Variants in CACNA1C observed in about 807,000 individuals in gnomAD.
CACNA1C encodes voltage-dependent L-type calcium channel subunit alpha-1C.
CACNA1C carries 30 observed loss-of-function variants against 229.0 expected under a neutral mutation model. That is an observed-to-expected ratio of 0.13 (90% confidence interval 0.10 to 0.18). The LOEUF (loss-of-function observed/expected upper bound fraction) is 0.18. CACNA1C is among the 10% of genes least tolerant of loss of function. The pLI, the probability that CACNA1C is intolerant of heterozygous loss-of-function variation, is 1.00. For synonymous variants in CACNA1C, 1,114 were observed against 1,132.5 expected (o/e 0.98, Z 0.33); for missense variants, 1,658 against 2,845.0 (o/e 0.58, Z 9.49).
chr12:2,497,969 T>TCTCACACACACACACACACA (rs145657634), intron 7 of CACNA1C, among the ~76,000 whole-genome samples: 1 of 143,916 alleles, frequency 6.9e-6, no homozygotes, highest in African/African-American at 2.5e-5. Context: ...TCTATTAAAT[T>TCTCACACACACACACACACA]CACACACACA....
chr12:2,677,568 A>G lies in CACNA1C; in HGVS notation c.4957-165A>G. 1.3e-6 allele frequency: 1 copy of G among 757,670 alleles called. No homozygotes were observed. Among genetic ancestry groups the G allele is most frequent in the Non-Finnish European group, 2.2e-6 (1 of 463,758 alleles). The allele number at this position is 757,670 out of a possible 1,614,324, so 46.9% of individuals were successfully genotyped here. ...CGAGTGGATTGTTCCATCAGAGGGC[A>G]GCCCAGCCCCCAGTTCACACACACA... On this transcript the variant is annotated intron_variant, in intron 40 of 46. Transcript: ENST00000399655. This position sits in a 1 kb window ranked among gnomAD's most constrained non-coding sequence, Gnocchi z 7.4.
At position 2,087,928 on chromosome 12, in the gene CACNA1C, G is replaced by A. The variant is rs75582387; in HGVS notation, c.50-27296G>A. Reference sequence around the variant, plus strand: ...TTGTAAATGGAACGGGTATTGTCTTGTAAGGTTTCAGGAACTATGATGCCT... The same window carrying A: ...TTGTAAATGGAACGGGTATTGTCTTATAAGGTTTCAGGAACTATGATGCCT... On this transcript the variant is annotated intron_variant, in intron 1 of 46. Coordinates refer to ENST00000399655, the MANE Select transcript of CACNA1C (RefSeq NM_000719.7). Among the ~76,000 whole-genome samples, 212 of 152,310 alleles carry A rather than the reference G, an allele frequency of 1.4e-3. 1 individual carries two copies. The highest frequency in any genetic ancestry group is 4.9e-3 in the African/African-American group (203 of 41,562).
intron 3 of CACNA1C, among the ~76,000 whole-genome samples, chr12:2,131,888 C>T (rs1385779338): frequency 1.2e-4 from 17 of 147,200 alleles, no homozygotes; most frequent in Admixed American, 3.3e-4. Context: ...CTGTAAATTA[C>T]CTTGGGCAGT....
At chr12:2,084,228 C>T (rs2066713955) in intron 1 of CACNA1C, among the ~76,000 whole-genome samples, 1 of 152,172 alleles carries the variant, frequency 6.6e-6, no homozygotes, top group South Asian at 2.1e-4. Context: ...CTTTAGCATT[C>T]TCAACAAGTG....
At chr12:2,405,491 G>A (rs1238931433) in intron 3 of CACNA1C, among the ~76,000 whole-genome samples, 1 of 152,102 alleles carries the variant, frequency 6.6e-6, no homozygotes, top group Non-Finnish European at 1.5e-5. Context: ...TTTCAAGAAT[G>A]TTATATAAAT....
At chr12:2,196,929 G>A (rs951885267) in intron 3 of CACNA1C, among the ~76,000 whole-genome samples, 11 of 152,228 alleles carry the variant, frequency 7.2e-5, no homozygotes, top group African/African-American at 1.2e-4. Flanking sequence ...AGCCAGGGGG[G>A]CTGGGGAAAG....
intron 3 of CACNA1C, among the ~76,000 whole-genome samples, chr12:2,427,166 C>T (rs2099040380): frequency 6.6e-6 from 1 of 152,100 alleles, no homozygotes; most frequent in African/African-American, 2.4e-5. Flanking sequence ...CTTCCCAGTG[C>T]CAGTCTGCCG....
chr12:2,297,900 A>C (rs1361440539), intron 3 of CACNA1C, among the ~76,000 whole-genome samples: 1 of 152,220 alleles, frequency 6.6e-6, no homozygotes, highest in African/African-American at 2.4e-5. Context: ...ACGTGTGCAC[A>C]TGCAAATAAA....
At chr12:2,179,150 A>G (rs988992641) in intron 3 of CACNA1C, among the ~76,000 whole-genome samples, 34 of 152,240 alleles carry the variant, frequency 2.2e-4, no homozygotes, top group African/African-American at 7.7e-4. Flanking sequence ...TAGTTATTTA[A>G]TGGATAAACA....
chr12:2,402,603 C>T (rs1265455395), intron 3 of CACNA1C, among the ~76,000 whole-genome samples: 2 of 152,264 alleles, frequency 1.3e-5, no homozygotes, highest in South Asian at 2.1e-4. Context: ...TTAATGCTGG[C>T]TCTGACGACT....
intron 13 of CACNA1C, among the ~76,000 whole-genome samples, chr12:2,572,172 T>C (rs1330989476): frequency 1.3e-5 from 2 of 152,036 alleles, no homozygotes; most frequent in Non-Finnish European, 2.9e-5. Context: ...GAGAGTTCCA[T>C]GCTAGTGGTC....
intron 1 of CACNA1C, among the ~76,000 whole-genome samples, chr12:2,046,405 AAAG>A (rs2051054646): frequency 6.6e-6 from 1 of 152,158 alleles, no homozygotes; most frequent in Non-Finnish European, 1.5e-5. Context: ...TTCTCTTTCC[AAAG>A]AGCCTCAGGA....
rs570771284 is a variant in CACNA1C, at chr12:2,135,591, T to C, written c.477+15161T>C. On this transcript the variant is annotated intron_variant, in intron 3 of 46. Coordinates refer to ENST00000399655, the MANE Select transcript of CACNA1C (RefSeq NM_000719.7). ...GTGAGAGGTGTCAGTCTGCCCCTGC[T>C]GGGGGGTGCCTCCCAGTTAGGCTGC... 4.4e-4 allele frequency among the ~76,000 whole-genome samples: 59 copies of C among 135,554 alleles called. 3 individuals are homozygous for C. The highest frequency in any genetic ancestry group is 1.2e-3 in the East Asian group (6 of 4,844). The allele number at this position is 135,554 out of a possible 152,430, so 88.9% of individuals were successfully genotyped here. A position where few individuals can be genotyped will look rare whatever the true frequency, so the allele number is the denominator to read the frequency against.
At chr12:2,368,947 C>T (rs1026804182) in intron 3 of CACNA1C, among the ~76,000 whole-genome samples, 4 of 152,144 alleles carry the variant, frequency 2.6e-5, no homozygotes, top group Non-Finnish European at 4.4e-5. Context: ...TAAAGGAATC[C>T]ACGGACAGAG....
chr12:2,606,259 GCT>G (rs1480365170), intron 24 of CACNA1C, among the ~76,000 whole-genome samples: 1 of 151,894 alleles, frequency 6.6e-6, no homozygotes, highest in African/African-American at 2.4e-5. Flanking sequence ...TTTTAGTTCT[GCT>G]ATTCTCCCAC....
chr12:2,585,819 C>T lies in CACNA1C; in HGVS notation c.2461-16C>T. On this transcript the variant is annotated splice_polypyrimidine_tract_variant and intron_variant, in intron 17 of 46. Coordinates refer to ENST00000399655, the MANE Select transcript of CACNA1C (RefSeq NM_000719.7). This position sits in a 1 kb window ranked among gnomAD's most constrained non-coding sequence, Gnocchi z 4.1. ...TATCTAACTATTCTTCCCCCTTCTC[C>T]CCTGTGACTGTCTAGATCAACATGG... 1 of 1,591,434 alleles carries T rather than the reference C, an allele frequency of 6.3e-7. No individual in the cohort carries two copies. The highest frequency in any genetic ancestry group is 1.1e-5 in the South Asian group (1 of 88,628).
chr12:2,359,328 A>G (rs1319008119), intron 3 of CACNA1C, among the ~76,000 whole-genome samples: 1 of 152,004 alleles, frequency 6.6e-6, no homozygotes, highest in African/African-American at 2.4e-5. Flanking sequence ...CAGTGGGTGG[A>G]CCTTCAGCCC....
intron 3 of CACNA1C, among the ~76,000 whole-genome samples, chr12:2,177,616 CCTTCCTTCCT>C (rs2096702707): frequency 2.7e-5 from 3 of 111,778 alleles, no homozygotes; most frequent in African/African-American, 6.7e-5. Flanking sequence ...TTCCTTCCTT[CCTTCCTTCCT>C]TCTCTCTCTC....
chr12:2,488,477 T>A lies in CACNA1C; in HGVS notation c.916+2215T>A, dbSNP rs975694114. On this transcript the variant is annotated intron_variant, in intron 6 of 46. Transcript: ENST00000399655. The surrounding 1 kb of genome is among the most constrained non-coding windows in gnomAD (Gnocchi z 4.0). ...GCCTCCTCTTCTCTTAGGACAAAGATAAGACTTGGCCTCCCCAATTGGAAT... is the reference window on the plus strand; with the variant it reads ...GCCTCCTCTTCTCTTAGGACAAAGAAAAGACTTGGCCTCCCCAATTGGAAT... Among the ~76,000 whole-genome samples the A allele has an allele frequency of 6.6e-6, 1 of 152,200 alleles. No homozygotes were observed. Among genetic ancestry groups the A allele is most frequent in the Non-Finnish European group, 1.5e-5 (1 of 68,044 alleles).
Sources: allele counts gnomAD v4.1 joint callset (sites outside exome capture counted in the v4.1 genomes callset), GRCh38; gene constraint gnomAD v4.1.1; non-coding constraint Gnocchi (gnomAD v3.1); transcripts MANE v1.5; gene names NCBI Gene and HGNC (gene_info 2026-07-23, HGNC 2026-07-21).